PCF11: variants seen among roughly 807,000 people sequenced by gnomAD.
The protein encoded by PCF11 is PCF11 cleavage and polyadenylation factor subunit, also known as pre-mRNA cleavage complex 2 protein Pcf11.
A neutral mutation model predicts 166.1 loss-of-function variants in PCF11; 19 were observed. The observed-to-expected ratio is 0.11, with a 90% CI of 0.08 to 0.17. The LOEUF (loss-of-function observed/expected upper bound fraction) is 0.17. Ranked by LOEUF, PCF11 falls within the 10% of genes least tolerant of loss-of-function variation. The probability of loss-of-function intolerance (pLI) is 1.00; values close to 1 mark genes in which losing one functional copy is unlikely to be tolerated. For synonymous variants in PCF11, 663 were observed against 644.1 expected, an observed-to-expected ratio of 1.03 and a Z score of -0.44; for missense variants, 1,565 against 1,855.5, an observed-to-expected ratio of 0.84 and a Z score of 2.88.
At chr11:83,169,420 C>T in exon 8 of PCF11, 3 of 1,613,644 alleles carry the variant, frequency 1.9e-6, no homozygotes, top group South Asian at 2.2e-5. Flanking sequence ...TCAAGGTGGT[C>T]CAAGATTTGA....
chr11:83,177,109 A>C (rs1408518265), exon 10 of PCF11: 2 of 1,566,788 alleles, frequency 1.3e-6, no homozygotes, highest in Non-Finnish European at 1.7e-6. Flanking sequence ...GCATATCCTG[A>C]TAATCATCTC....
intron 9 of PCF11, among the ~76,000 whole-genome samples, chr11:83,174,799 C>T (rs911750531): frequency 1.3e-5 from 2 of 152,240 alleles, no homozygotes; most frequent in East Asian, 3.9e-4. Context: ...ACTTGGCTGC[C>T]CTCAGACATC....
intron 11 of PCF11, among the ~76,000 whole-genome samples, chr11:83,178,756 T>C (rs555271017): frequency 8.0e-5 from 12 of 150,218 alleles, no homozygotes; most frequent in Non-Finnish European, 1.2e-4. Flanking sequence ...GAGCTTGCAG[T>C]GAGCCGAGAT....
At chr11:83,179,684 A>T (rs1408793202) in intron 11 of PCF11, among the ~76,000 whole-genome samples, 1 of 151,950 alleles carries the variant, frequency 6.6e-6, no homozygotes, top group Non-Finnish European at 1.5e-5. Context: ...TGGGCAGATC[A>T]CCTGAGGTCA....
chr11:83,187,271 T>C (rs1861325509), exon 16 of PCF11: 1 of 152,210 alleles, frequency 6.6e-6, no homozygotes, highest in Non-Finnish European at 1.5e-5. Flanking sequence ...TTGGCCAGGC[T>C]GGTCTCGAAC....
exon 5 of PCF11, chr11:83,166,578 A>G: frequency 1.2e-6 from 2 of 1,614,026 alleles, no homozygotes; most frequent in Non-Finnish European, 1.7e-6. Flanking sequence ...AATGAAAAAG[A>G]CTGAAGAGGA....
At chr11:83,163,315 G>T (rs1860326612) in intron 2 of PCF11, among the ~76,000 whole-genome samples, 1 of 151,996 alleles carries the variant, frequency 6.6e-6, no homozygotes, top group Admixed American at 6.6e-5. Flanking sequence ...AAGCCATCAG[G>T]TAATCAATTT....
At chr11:83,186,346 T>C (rs1861291305) in exon 16 of PCF11, 1 of 152,238 alleles carries the variant, frequency 6.6e-6, no homozygotes, top group African/African-American at 2.4e-5. Flanking sequence ...CTTTTGTGTT[T>C]TCAAAAATTG....
chr11:83,182,346 G>T (rs916638370), intron 13 of PCF11, 53 bp from the exon 14 acceptor site: 2 of 905,966 alleles, frequency 2.2e-6, no homozygotes, highest in Non-Finnish European at 3.5e-6. Flanking sequence ...TTTACTTAAT[G>T]GGGTTAAATA....
exon 11 of PCF11, chr11:83,177,798 T>C: frequency 6.6e-7 from 1 of 1,514,902 alleles, no homozygotes; most frequent in South Asian, 1.2e-5. Flanking sequence ...CTTACTAATT[T>C]TACAGTTGAA....
Position 83,167,459 on chromosome 11 carries a change from C to T in PCF11, c.2046C>T (p.Phe682=). 1.2e-6 allele frequency: 2 copies of T among 1,610,396 alleles called. No homozygotes were observed. Among genetic ancestry groups the T allele is most frequent in the African/African-American group, 1.3e-5 (1 of 74,736 alleles). ...CTGGTGAAATTACACAGGATGACTT[C>T]CTTGTTGTTGTGCATCAAATTCGAC... The change falls in exon 7 of 16, where the codon TTC becomes TTT. Residue 682 remains phenylalanine (F), a synonymous_variant. Coordinates refer to ENST00000298281, the Ensembl canonical transcript of PCF11. This position sits in a 1 kb window ranked among gnomAD's most constrained non-coding sequence, Gnocchi z 4.2.
exon 4 of PCF11, chr11:83,164,229 G>C: frequency 6.2e-7 from 1 of 1,613,008 alleles, no homozygotes; most frequent in South Asian, 1.1e-5. Flanking sequence ...TCAACACCTG[G>C]TACAGTGGTC....
At position 83,165,842 on chromosome 11, in the gene PCF11, A is replaced by G. The variant is rs748104245; in HGVS notation, c.945A>G (p.Lys315=). ...ATGGAAAAGATCAGAGTCACAGGAA[A>G]GAATTTCTAATGAACACATTAAACC... The change falls in exon 5 of 16, where the codon AAA becomes AAG. Residue 315 remains lysine (K), a synonymous_variant. Coordinates refer to ENST00000298281, the Ensembl canonical transcript of PCF11. 7 of 1,608,712 alleles carry G rather than the reference A, an allele frequency of 4.4e-6. No individual in the cohort carries two copies. In the South Asian group the frequency reaches 7.8e-5, roughly 18 times the overall value.
Position 83,167,299 on chromosome 11 carries a change from A to G in PCF11, c.1992A>G (p.Leu664=), listed in dbSNP as rs1281843345. 1 of 1,611,906 alleles carries G rather than the reference A, an allele frequency of 6.2e-7. No individual in the cohort carries two copies. Among genetic ancestry groups the G allele is most frequent in the Non-Finnish European group, 8.5e-7 (1 of 1,178,596 alleles). The change falls in exon 6 of 16, where the codon TTA becomes TTG. Residue 664 remains leucine (L), a synonymous_variant. Transcript: ENST00000298281. The surrounding 1 kb of genome is among the most constrained non-coding windows in gnomAD (Gnocchi z 4.2). ...TAACTCTTGCAAGCAAAAGAGAATTACTTCAAAAGGTAGTTACTATGATTA... is the reference window on the plus strand; with the variant it reads ...TAACTCTTGCAAGCAAAAGAGAATTGCTTCAAAAGGTAGTTACTATGATTA...
chr11:83,157,771 C>T (rs922713125), intron 1 of PCF11, 140 bp downstream of exon 1: 7 of 748,492 alleles, frequency 9.4e-6, no homozygotes, highest in African/African-American at 3.5e-5. Flanking sequence ...AACTCAGGCT[C>T]GGTCTTTGGC....
At chr11:83,169,577 A>G (rs1002927932) in exon 8 of PCF11, 9 of 1,614,022 alleles carry the variant, frequency 5.6e-6, no homozygotes, top group Admixed American at 1.7e-5. Context: ...CCACCTGGAC[A>G]GCAGGTTCAA....
chr11:83,173,490 T>C (rs1860760716), intron 9 of PCF11, among the ~76,000 whole-genome samples: 1 of 150,548 alleles, frequency 6.6e-6, no homozygotes. Flanking sequence ...AAACATGATA[T>C]GGTAGTATCA....
intron 1 of PCF11, chr11:83,158,522 T>C (rs932750527): frequency 6.6e-6 from 1 of 152,274 alleles, no homozygotes; most frequent in Non-Finnish European, 1.5e-5. Flanking sequence ...TGCCACCTTA[T>C]ATTTCCCTGT....
At chr11:83,157,813 G>C in intron 1 of PCF11, 182 bp downstream of exon 1, 1 of 611,356 alleles carries the variant, frequency 1.6e-6, no homozygotes, top group Non-Finnish European at 2.9e-6. Flanking sequence ...CTGGGGGGGA[G>C]GGAGTGGGGA....
Sources: gnomAD v4.1 joint callset for allele counts (sites outside exome capture counted in the v4.1 genomes callset) on GRCh38, gnomAD v4.1.1 for gene constraint, Gnocchi (gnomAD v3.1) non-coding constraint, MANE v1.5 for transcripts, NCBI Gene and HGNC (gene_info 2026-07-23, HGNC 2026-07-21) for gene names.